UNC13B: variants seen among roughly 807,000 people sequenced by gnomAD.
The protein encoded by UNC13B is unc-13 homolog B.
A neutral mutation model predicts 211.0 loss-of-function variants in UNC13B; 144 were observed. The ratio of observed to expected loss-of-function variants is 0.68; its 90% CI spans 0.60 to 0.78. The LOEUF is 0.78. UNC13B is among the 30% of genes least tolerant of loss of function. The pLI, the probability that UNC13B is intolerant of heterozygous loss-of-function variation, is 0.00. For missense variants in UNC13B, 1,777 were observed against 2,002.0 expected (o/e 0.89, Z 2.14); for synonymous variants, 709 against 725.8 (o/e 0.98, Z 0.37).
chr9:35,216,825 G>A (rs1452359159), intron 1 of UNC13B, among the ~76,000 whole-genome samples: 3 of 152,116 alleles, frequency 2.0e-5, no homozygotes, highest in African/African-American at 4.8e-5. Context: ...AAGACAGTTG[G>A]CATATTGGAT....
intron 6 of UNC13B, among the ~76,000 whole-genome samples, chr9:35,251,010 T>A (rs1826439413): frequency 7.3e-6 from 1 of 136,688 alleles, no homozygotes; most frequent in Non-Finnish European, 1.5e-5. Context: ...TTGCCCAGGC[T>A]GGAGTGCAGT....
At position 35,398,981 on chromosome 9, in the gene UNC13B, G is replaced by T; in HGVS notation, c.12021G>T (p.Ala4007=). 1.2e-6 allele frequency: 2 copies of T among 1,614,176 alleles called. No homozygotes were observed. Among genetic ancestry groups the T allele is most frequent in the Non-Finnish European group, 1.7e-6 (2 of 1,180,030 alleles). The change falls in exon 33 of 40, where the codon GCG becomes GCT. Residue 4007 remains alanine (A), a synonymous_variant. Transcript: ENST00000635942. ...GNASPDARAS[A]AQDADSVLRP... is the part of the protein sequence containing the mutation. ...CATCTCCAGACGCCAGGGCCTCAGCGGCTCAGGATGCAGATAGCGTACTCC... is the reference window on the plus strand; with the variant it reads ...CATCTCCAGACGCCAGGGCCTCAGCTGCTCAGGATGCAGATAGCGTACTCC...
rs143252655 is a variant in UNC13B at position 35,269,271 on chromosome 9, G to C, written c.526+10221G>C. Reference sequence around the variant, plus strand: ...AGAACCCAGGAAAACAGTTAATTTGGTATTACCGATTGATTAAAAGGATAT... The same window carrying C: ...AGAACCCAGGAAAACAGTTAATTTGCTATTACCGATTGATTAAAAGGATAT... On this transcript the variant is annotated intron_variant, in intron 7 of 39. Transcript: ENST00000635942. Among the ~76,000 whole-genome samples, 583 of 152,240 alleles carry C rather than the reference G, an allele frequency of 3.8e-3. 6 individuals are homozygous for C. Among genetic ancestry groups the C allele is most frequent in the African/African-American group, 0.013 (549 of 41,538 alleles).
At chr9:35,163,796 T>G (rs552236602) in intron 1 of UNC13B, among the ~76,000 whole-genome samples, 1 of 152,342 alleles carries the variant, frequency 6.6e-6, no homozygotes, top group African/African-American at 2.4e-5. Context: ...ATTCTGCTAT[T>G]TAGCTAACTT....
At chr9:35,282,433 T>G (rs998973224) in intron 7 of UNC13B, among the ~76,000 whole-genome samples, 3 of 152,140 alleles carry the variant, frequency 2.0e-5, no homozygotes, top group Non-Finnish European at 2.9e-5. Flanking sequence ...TTTGTTTGTT[T>G]TGTTTTGTTT....
chr9:35,317,971 T>C (rs1046522653), intron 11 of UNC13B, among the ~76,000 whole-genome samples: 1 of 152,160 alleles, frequency 6.6e-6, no homozygotes, highest in Non-Finnish European at 1.5e-5. Flanking sequence ...GCCTTATCCA[T>C]GTAAAAGGAA....
intron 1 of UNC13B, among the ~76,000 whole-genome samples, chr9:35,220,684 A>C (rs1824520909): frequency 6.6e-6 from 1 of 152,176 alleles, no homozygotes. Context: ...TGAACACTTA[A>C]GTTGCTTCCA....
At chr9:35,340,624 G>A (rs888542825) in intron 11 of UNC13B, among the ~76,000 whole-genome samples, 3 of 152,152 alleles carry the variant, frequency 2.0e-5, no homozygotes, top group Non-Finnish European at 4.4e-5. Context: ...TTGAGAGCCT[G>A]GTTTGGGCAT....
intron 1 of UNC13B, among the ~76,000 whole-genome samples, chr9:35,224,243 A>G (rs1397575316): frequency 6.6e-6 from 1 of 152,184 alleles, no homozygotes; most frequent in Non-Finnish European, 1.5e-5. Context: ...TTTGGATAAT[A>G]CAGTCATTTT....
At chr9:35,237,622 C>T (rs1825584914) in intron 4 of UNC13B, 81 bp from the exon 5 acceptor site, 1 of 1,570,526 alleles carries the variant, frequency 6.4e-7, no homozygotes, top group Non-Finnish European at 8.6e-7. Flanking sequence ...AAACAAGGAA[C>T]TTCAGAGAAA....
At chr9:35,183,507 C>T (rs1430981982) in intron 1 of UNC13B, among the ~76,000 whole-genome samples, 8 of 120,476 alleles carry the variant, frequency 6.6e-5, no homozygotes, top group Admixed American at 1.7e-4. Context: ...CCAGACGGGG[C>T]GGCCGGGCAG....
At chr9:35,385,385 G>C in intron 22 of UNC13B, 1 of 985,402 alleles carries the variant, frequency 1.0e-6, no homozygotes, top group Non-Finnish European at 1.2e-6. Context: ...CACTGTTGGT[G>C]TGTAAGAATC....
Position 35,313,973 on chromosome 9 carries a change from G to A in UNC13B, c.9398G>A (p.Arg3133Gln), listed in dbSNP as rs918562434. ...AHWIRAVTKVRLQLQEIPDDG... is the reference protein window; with the variant it reads ...AHWIRAVTKVQLQLQEIPDDG... ...TGGATCCGAGCAGTTACCAAGGTTC[G>A]ACTCCAGCTGCAGGAGGTAGGAAAT... Residue 3133 changes from arginine (R) to glutamine (Q), a missense_variant, in exon 11 of 40, where the codon CGA (arginine) becomes CAA (glutamine). Arg to Gln is a conservative substitution (Grantham distance 43). Coordinates refer to ENST00000635942, the MANE Select transcript of UNC13B (RefSeq NM_001371189.2). 4 of 1,613,604 alleles carry A rather than the reference G, an allele frequency of 2.5e-6. No individual in the cohort carries two copies. Among genetic ancestry groups the A allele is most frequent in the Non-Finnish European group, 2.5e-6 (3 of 1,179,648 alleles).
chr9:35,300,193 T>C lies in UNC13B; in HGVS notation c.789T>C (p.Asp263=), dbSNP rs1320939222. 1.0e-5 allele frequency: 4 copies of C among 398,410 alleles called. No homozygotes were observed. The highest frequency in any genetic ancestry group is 7.1e-5 in the East Asian group (2 of 28,034). 24.7% of individuals were successfully genotyped at this position (398,410 alleles called of 1,614,324 possible). The stretch of plus-strand genomic sequence containing the variant: ...ATGCTCAGAAATATGATACACTAGA[T>C]AGAAGAAGAAAAAAGAAATCCTTAT... The part of the protein sequence containing the change: ...IRYAQKYDTL[D]RRRKKKSLYN... Residue 263 remains aspartate (D), a synonymous_variant, in exon 9 of 40, where the codon GAT becomes GAC. Transcript: ENST00000635942.
At chr9:35,397,503 T>C in intron 29 of UNC13B, 132 bp from the exon 30 acceptor site, 4 of 1,288,558 alleles carry the variant, frequency 3.1e-6, no homozygotes, top group Non-Finnish European at 4.3e-6. Flanking sequence ...GAGAGCTTTC[T>C]CCTGTACTGT....
intron 1 of UNC13B, among the ~76,000 whole-genome samples, chr9:35,178,380 C>T (rs1373491395): frequency 1.3e-5 from 2 of 151,928 alleles, no homozygotes; most frequent in African/African-American, 4.8e-5. Flanking sequence ...GCCTGTAGTC[C>T]CTAATACTTG....
At position 35,305,299 on chromosome 9, in the gene UNC13B, C is replaced by T. The variant is rs2131840255; in HGVS notation, c.5895C>T (p.Val1965=). The T allele has an allele frequency of 2.5e-6, 1 of 398,912 alleles. No individual in the cohort carries two copies. The highest frequency in any genetic ancestry group is 1.3e-4 in the South Asian group (1 of 7,852). 24.7% of individuals were successfully genotyped at this position (398,912 alleles called of 1,614,324 possible). A position where few individuals can be genotyped will look rare whatever the true frequency, so the allele number is the denominator to read the frequency against. The change falls in exon 9 of 40, where the codon GTC becomes GTT. Residue 1965 remains valine (V), a synonymous_variant. Coordinates refer to ENST00000635942, the MANE Select transcript of UNC13B (RefSeq NM_001371189.2). ...PNLEKIGDTN[V]KIPPQEKKES... ...TAGAAAAGATTGGTGATACAAATGT[C>T]AAGATACCACCTCAAGAAAAGAAAG...
intron 10 of UNC13B, among the ~76,000 whole-genome samples, chr9:35,311,265 C>T (rs923741558): frequency 6.6e-6 from 1 of 152,242 alleles, no homozygotes; most frequent in Non-Finnish European, 1.5e-5. Flanking sequence ...TGCCACTGCA[C>T]CCAGCCAGCA....
intron 7 of UNC13B, among the ~76,000 whole-genome samples, chr9:35,263,438 C>T (rs1266601563): frequency 2.0e-5 from 3 of 151,872 alleles, no homozygotes; most frequent in Non-Finnish European, 2.9e-5. Flanking sequence ...TACTCAAATT[C>T]CTCACTTGGC....
Sources: allele counts gnomAD v4.1 joint callset (sites outside exome capture counted in the v4.1 genomes callset), GRCh38; gene constraint gnomAD v4.1.1; transcripts MANE v1.5; gene names NCBI Gene and HGNC (gene_info 2026-07-23, HGNC 2026-07-21).